The following CCDC169 variants were observed in gnomAD, a reference collection of about 807,000 sequenced individuals.
CCDC169 encodes coiled-coil domain-containing protein 169.
Under a neutral mutation model 36.0 loss-of-function variants are expected in CCDC169, and 30 were observed. That is an observed-to-expected ratio of 0.83 (90% confidence interval 0.62 to 1.13). CCDC169 has a LOEUF of 1.13. CCDC169 is among the 50% of genes most tolerant of loss of function. The pLI, the probability that CCDC169 is intolerant of heterozygous loss-of-function variation, is 0.00. For synonymous variants in CCDC169, 85 were observed against 81.5 expected (o/e 1.04, Z -0.23); for missense variants, 245 against 245.9 (o/e 1.00, Z 0.03).
At chr13:36,294,198 T>C (rs1270045590) in intron 2 of CCDC169, among the ~76,000 whole-genome samples, 1 of 152,202 alleles carries the variant, frequency 6.6e-6, no homozygotes, top group Admixed American at 6.5e-5. Context: ...GTTTTCTCTT[T>C]ATACCCACAT....
In CCDC169 at chr13:36,283,716, G is replaced by A; in HGVS notation, c.164-14C>T. On this transcript the variant is annotated splice_polypyrimidine_tract_variant and intron_variant, in intron 2 of 7. Coordinates refer to ENST00000239859, the MANE Select transcript of CCDC169 (RefSeq NM_001144981.3). Reference sequence around the variant, plus strand: ...TCCATTCACTACCTGAGTAAAAACAGGGAGAAACAATCAAGATCACCCCAC... The same window carrying A: ...TCCATTCACTACCTGAGTAAAAACAAGGAGAAACAATCAAGATCACCCCAC... The A allele has an allele frequency of 6.5e-7, 1 of 1,532,264 alleles. No homozygotes were observed. Among genetic ancestry groups the A allele is most frequent in the Non-Finnish European group, 8.8e-7 (1 of 1,131,442 alleles). 94.9% of individuals were successfully genotyped at this position (1,532,264 alleles called of 1,614,324 possible).
intron 2 of CCDC169, among the ~76,000 whole-genome samples, chr13:36,293,349 G>A (rs534335990): frequency 4.6e-5 from 7 of 151,996 alleles, no homozygotes; most frequent in Non-Finnish European, 1.0e-4. Context: ...CAATTACTTA[G>A]CATATTCCCC....
chr13:36,241,974 C>G (rs1566062314), intron 7 of CCDC169, among the ~76,000 whole-genome samples: 1 of 152,018 alleles, frequency 6.6e-6, no homozygotes, highest in Non-Finnish European at 1.5e-5. Context: ...AAATGTGTAG[C>G]ACTTCCCCAT....
chr13:36,233,597 A>G (rs995254685), intron 7 of CCDC169, among the ~76,000 whole-genome samples: 1 of 152,200 alleles, frequency 6.6e-6, no homozygotes, highest in Non-Finnish European at 1.5e-5. Context: ...AAGAATACTA[A>G]TAAGAGATAG....
chr13:36,297,266 A>G (rs938614290), intron 1 of CCDC169, among the ~76,000 whole-genome samples: 1 of 149,926 alleles, frequency 6.7e-6, no homozygotes, highest in East Asian at 2.0e-4. Flanking sequence ...GGGATGAAAG[A>G]AAAAAAAAAC....
At chr13:36,276,898 T>C (rs1272382890) in intron 4 of CCDC169, among the ~76,000 whole-genome samples, 1 of 152,084 alleles carries the variant, frequency 6.6e-6, no homozygotes, top group Non-Finnish European at 1.5e-5. Context: ...TATTGTGAGG[T>C]CTGCCAAAAA....
chr13:36,286,229 T>C (rs1167832579), intron 2 of CCDC169, among the ~76,000 whole-genome samples: 1 of 152,118 alleles, frequency 6.6e-6, no homozygotes, highest in Admixed American at 6.5e-5. Flanking sequence ...TCTCTTTTCT[T>C]CCTGCTATGG....
At position 36,254,015 on chromosome 13, in the gene CCDC169, G is replaced by T. The variant is rs553181702; in HGVS notation, c.414+30C>A. The T allele has an allele frequency of 4.6e-6, 7 of 1,536,162 alleles. No individual in the cohort carries two copies. In the South Asian group the frequency reaches 7.4e-5, roughly 16 times the overall value. ...CATTAGAAATAATGGCAGTTTCAAA[G>T]GAATTGCTAAGTATAGAGTAAAAAC... On this transcript the variant is annotated intron_variant, in intron 5 of 7. Coordinates refer to ENST00000239859, the MANE Select transcript of CCDC169 (RefSeq NM_001144981.3).
chr13:36,257,180 A>G (rs1460909911), intron 4 of CCDC169, among the ~76,000 whole-genome samples: 4 of 152,206 alleles, frequency 2.6e-5, no homozygotes, highest in Non-Finnish European at 5.9e-5. Flanking sequence ...AAGTGACATT[A>G]CTTATGCAAT....
At chr13:36,257,185 T>A (rs1250148019) in intron 4 of CCDC169, among the ~76,000 whole-genome samples, 5 of 152,194 alleles carry the variant, frequency 3.3e-5, no homozygotes, top group Non-Finnish European at 7.4e-5. Context: ...ACATTACTTA[T>A]GCAATGCCTT....
intron 2 of CCDC169, among the ~76,000 whole-genome samples, chr13:36,288,541 A>C (rs1190575755): frequency 6.6e-6 from 1 of 152,196 alleles, no homozygotes; most frequent in East Asian, 1.9e-4. Flanking sequence ...AATTAAGAAA[A>C]GATTATGATA....
chr13:36,236,879 C>T (rs1458113849), intron 7 of CCDC169, among the ~76,000 whole-genome samples: 3 of 151,928 alleles, frequency 2.0e-5, no homozygotes, highest in African/African-American at 7.3e-5. Flanking sequence ...CCCATGGATA[C>T]CAAAATTCAC....
intron 4 of CCDC169, among the ~76,000 whole-genome samples, chr13:36,278,416 C>A (rs759267349): frequency 1.3e-5 from 2 of 152,072 alleles, no homozygotes; most frequent in Admixed American, 6.6e-5. Flanking sequence ...CATTTTCTCA[C>A]CCCTACTCTT....
chr13:36,241,160 T>C lies in CCDC169; in HGVS notation c.545+7446A>G, dbSNP rs533280357. On this transcript the variant is annotated intron_variant, in intron 7 of 7. Transcript: ENST00000239859. ...TTCATATGGGTATTTTCTAATGTTCTGATTTGTTCTGAATGTTAGGAAAAA... is the reference window on the plus strand; with the variant it reads ...TTCATATGGGTATTTTCTAATGTTCCGATTTGTTCTGAATGTTAGGAAAAA... Among the ~76,000 whole-genome samples the C allele has an allele frequency of 7.9e-5, 12 of 152,312 alleles. No homozygotes were observed. In the South Asian group the frequency reaches 2.5e-3, roughly 32 times the overall value.
chr13:36,274,253 A>G (rs1271594273), intron 4 of CCDC169: 1 of 152,230 alleles, frequency 6.6e-6, no homozygotes, highest in Non-Finnish European at 1.5e-5. Context: ...AGTAACCTGG[A>G]CCATTAACAA....
intron 7 of CCDC169, among the ~76,000 whole-genome samples, chr13:36,245,090 A>G (rs1204783395): frequency 6.6e-6 from 1 of 152,128 alleles, no homozygotes; most frequent in Non-Finnish European, 1.5e-5. Flanking sequence ...TCTTACCTTG[A>G]CCTATATATA....
chr13:36,229,785 T>G (rs1870223300), downstream of CCDC169, among the ~76,000 whole-genome samples: 3 of 152,036 alleles, frequency 2.0e-5, no homozygotes. Flanking sequence ...TCAAGTGATC[T>G]GCCTGCCTTG....
rs556552844 is a variant in CCDC169 at position 36,231,325 on chromosome 13, A to G, written c.546-33T>C. The G allele has an allele frequency of 1.4e-5, 21 of 1,546,190 alleles. No homozygotes were observed. The South Asian group carries it at 2.5e-4, about 18-fold the overall frequency. On this transcript the variant is annotated intron_variant, in intron 7 of 7. Transcript: ENST00000239859. The stretch of plus-strand genomic sequence containing the variant: ...AAATAAGTGTTAATCATAATTTTTC[A>G]GTCACCATTATGTACAACAAAAACA...
intron 2 of CCDC169, among the ~76,000 whole-genome samples, chr13:36,287,874 T>C (rs1472126536): frequency 6.6e-6 from 1 of 152,124 alleles, no homozygotes; most frequent in Non-Finnish European, 1.5e-5. Context: ...TAAGACTAAC[T>C]TGTTAGTTCA....
Sources: allele counts gnomAD v4.1 joint callset (sites outside exome capture counted in the v4.1 genomes callset), GRCh38; gene constraint gnomAD v4.1.1; transcripts MANE v1.5; gene names NCBI Gene and HGNC (gene_info 2026-07-23, HGNC 2026-07-21).